The following LINGO2 variants were observed in gnomAD, a reference collection of about 807,000 sequenced individuals.
The protein encoded by LINGO2 is leucine-rich repeat and immunoglobulin-like domain-containing nogo receptor-interacting protein 2.
In LINGO2, 14 loss-of-function variants were observed where a neutral mutation model predicts 30.6. The ratio of observed to expected loss-of-function variants is 0.46; its 90% CI spans 0.30 to 0.72. LINGO2 has a LOEUF of 0.72. Ranked by LOEUF, LINGO2 falls within the 30% of genes least tolerant of loss-of-function variation. LINGO2 has a pLI of 0.07. For missense variants in LINGO2, 729 were observed against 751.7 expected (o/e 0.97, Z 0.35); for synonymous variants, 317 against 288.5 (o/e 1.10, Z -1.00).
At chr9:28,759,978 T>C in the LINGO2 span, among the ~76,000 whole-genome samples, 5 of 152,136 alleles carry the variant, frequency 3.3e-5, no homozygotes, top group Non-Finnish European at 4.4e-5. Context: ...TTATTTAGAG[T>C]GTGTCATGTG....
rs1032482476 is a variant in LINGO2, at chr9:28,104,254, A to C, written c.-86-91849T>G. 4.4e-5 allele frequency among the ~76,000 whole-genome samples: 4 copies of C among 90,262 alleles called. No homozygotes were observed. The South Asian group carries it at 1.1e-3, about 25-fold the overall frequency. 59.2% of individuals were successfully genotyped at this position (90,262 alleles called of 152,430 possible). On this transcript the variant is annotated intron_variant, in intron 4 of 5. Coordinates refer to ENST00000379992, the Ensembl canonical transcript of LINGO2. The stretch of plus-strand genomic sequence containing the variant: ...TAGGGATTTGCTTTTCCCCAGTACA[A>C]GTTTTTTGTTTGTTTTTTTTTTTTT...
the LINGO2 span, among the ~76,000 whole-genome samples, chr9:28,950,557 C>T: frequency 6.8e-6 from 1 of 146,604 alleles, no homozygotes; most frequent in Admixed American, 6.8e-5. Context: ...TCTCAGGATA[C>T]AAAATCAATG....
intron 4 of LINGO2, among the ~76,000 whole-genome samples, chr9:28,099,227 GGACT>G (rs1025749860): frequency 4.6e-5 from 7 of 151,818 alleles, no homozygotes; most frequent in Non-Finnish European, 8.8e-5. Flanking sequence ...GTGTGTCCTG[GGACT>G]GACTATCAGT....
At chr9:28,097,695 G>GGA (rs1826286841) in intron 4 of LINGO2, among the ~76,000 whole-genome samples, 1 of 114,964 alleles carries the variant, frequency 8.7e-6, no homozygotes, top group African/African-American at 3.3e-5. Context: ...TGGGGTCGGG[G>GGA]GAGGGGGGAG....
intron 4 of LINGO2, among the ~76,000 whole-genome samples, chr9:28,108,183 G>T (rs1413379871): frequency 1.3e-5 from 2 of 152,082 alleles, no homozygotes; most frequent in Non-Finnish European, 2.9e-5. Context: ...ACAATACCCA[G>T]TGACTCAATA....
chr9:28,831,277 A>G, the LINGO2 span, among the ~76,000 whole-genome samples: 8 of 152,214 alleles, frequency 5.3e-5, no homozygotes, highest in African/African-American at 9.7e-5. Flanking sequence ...CCCAAGAAAA[A>G]TTAAACGTAC....
At chr9:28,050,887 T>C (rs1013807823) in intron 4 of LINGO2, among the ~76,000 whole-genome samples, 3 of 150,998 alleles carry the variant, frequency 2.0e-5, no homozygotes, top group African/African-American at 7.3e-5. Flanking sequence ...GAGTAATAAA[T>C]ACCATTAATC....
chr9:29,134,173 C>G, the LINGO2 span, among the ~76,000 whole-genome samples: 1 of 151,972 alleles, frequency 6.6e-6, no homozygotes, highest in Non-Finnish European at 1.5e-5. Context: ...GTCTGTAAAA[C>G]CAAATAAAGC....
chr9:29,111,534 A>T, the LINGO2 span, among the ~76,000 whole-genome samples: 1 of 151,940 alleles, frequency 6.6e-6, no homozygotes, highest in Admixed American at 6.6e-5. Flanking sequence ...TAATTCAGAA[A>T]GCATAATTTT....
chr9:28,876,801 T>C, the LINGO2 span, among the ~76,000 whole-genome samples: 4 of 152,130 alleles, frequency 2.6e-5, no homozygotes, highest in Admixed American at 1.3e-4. Context: ...GTAATTCTAG[T>C]TCTAGATCCC....
At chr9:28,772,894 A>G in the LINGO2 span, among the ~76,000 whole-genome samples, 2 of 152,180 alleles carry the variant, frequency 1.3e-5, no homozygotes, top group East Asian at 1.9e-4. Context: ...GCTTAATCCA[A>G]TTTGTCCACA....
chr9:28,259,875 C>T (rs1336726915), intron 4 of LINGO2, among the ~76,000 whole-genome samples: 1 of 151,916 alleles, frequency 6.6e-6, no homozygotes, highest in African/African-American at 2.4e-5. Context: ...CCCTTTCCTA[C>T]TTCCAAAGCC....
chr9:28,923,762 A>G, the LINGO2 span, among the ~76,000 whole-genome samples: 2 of 152,174 alleles, frequency 1.3e-5, no homozygotes, highest in Admixed American at 1.3e-4. Flanking sequence ...CAACCAGAGA[A>G]CTTCTGGGTG....
At chr9:28,956,873 A>T in the LINGO2 span, among the ~76,000 whole-genome samples, 1 of 150,804 alleles carries the variant, frequency 6.6e-6, no homozygotes, top group African/African-American at 2.4e-5. Context: ...GAAAATATTT[A>T]AACTGATTTA....
chr9:28,095,691 A>G (rs561130372), intron 4 of LINGO2, among the ~76,000 whole-genome samples: 9 of 152,274 alleles, frequency 5.9e-5, no homozygotes, highest in African/African-American at 2.2e-4. Context: ...AATGGCAACA[A>G]AAGCCAAAAT....
intron 1 of LINGO2, among the ~76,000 whole-genome samples, chr9:28,632,181 A>G (rs955018163): frequency 3.1e-4 from 47 of 152,160 alleles, no homozygotes; most frequent in Non-Finnish European, 5.4e-4. Flanking sequence ...CATAGTTGAT[A>G]TTTAATCACA....
chr9:29,182,898 CCATCCAAA>C, the LINGO2 span, among the ~76,000 whole-genome samples: 1 of 152,040 alleles, frequency 6.6e-6, no homozygotes, highest in East Asian at 1.9e-4. Flanking sequence ...AATTAGCAGA[CCATCCAAA>C]CATACTGAGA....
At chr9:28,270,864 T>C (rs1016067405) in intron 4 of LINGO2, among the ~76,000 whole-genome samples, 5 of 152,124 alleles carry the variant, frequency 3.3e-5, no homozygotes, top group Non-Finnish European at 7.4e-5. Flanking sequence ...ATCCAGACTC[T>C]ACAGATGAGG....
chr9:28,067,803 T>C (rs1825358069), intron 4 of LINGO2, among the ~76,000 whole-genome samples: 1 of 152,146 alleles, frequency 6.6e-6, no homozygotes, highest in Non-Finnish European at 1.5e-5. Context: ...TAGCAACGCA[T>C]CAACTTCTTC....
Sources: gnomAD v4.1 joint callset for allele counts (sites outside exome capture counted in the v4.1 genomes callset) on GRCh38, gnomAD v4.1.1 for gene constraint, MANE v1.5 for transcripts, NCBI Gene and HGNC (gene_info 2026-07-23, HGNC 2026-07-21) for gene names.